The following H1-1 variants were observed in gnomAD, a reference collection of about 807,000 sequenced individuals.
The protein encoded by H1-1 is histone H1.1.
Under a neutral mutation model 0.8 loss-of-function variants are expected in H1-1, and 2 were observed. The observed-to-expected ratio is 2.64, with a 90% CI of 1.08 to 8.30. H1-1 has a LOEUF of 8.30. Among genes scored for constraint, H1-1 ranks in the 30% most tolerant of loss-of-function variants. The pLI, the probability that H1-1 is intolerant of heterozygous loss-of-function variation, is 0.04. For synonymous variants in H1-1, 211 were observed against 108.2 expected, an observed-to-expected ratio of 1.95 and a Z score of -5.89; for missense variants, 516 against 262.6, an observed-to-expected ratio of 1.97 and a Z score of -6.67.
rs772096010 is a variant in H1-1 at position 26,017,694 on chromosome 6, A to T, written c.39T>A (p.Ala13=). ...ETVPPAPAAS[A]APEKPLAGKK... ...TGCCAGCTAAAGGTTTCTCAGGAGC[A>T]GCAGAAGCGGCGGGGGCGGGAGGCA... Residue 13 remains alanine, a synonymous_variant, in exon 1 of 1, where the codon GCT becomes GCA. Coordinates refer to ENST00000244573, the MANE Select transcript of H1-1 (RefSeq NM_005325.4). 1 of 1,613,866 alleles carries T rather than the reference A, an allele frequency of 6.2e-7. No individual in the cohort carries two copies. Among genetic ancestry groups the T allele is most frequent in the South Asian group, 1.1e-5 (1 of 91,088 alleles).
Position 26,017,173 on chromosome 6 carries a change from G to A in H1-1, c.560C>T (p.Ala187Val). The change falls in exon 1 of 1, where the codon GCT becomes GTT. Residue 187 changes from alanine (A) to valine (V), a missense_variant. Physicochemically the swap from Ala to Val is moderately conservative, Grantham distance 64. Transcript: ENST00000244573. ...GGCCGCCTTGGGTTTTACAGCCTTA[G>A]CTTTAGCAGGGCTTTTAGCTACTTT... ...PKKVAKSPAKAKAVKPKAAKA... is the reference protein window; with the variant it reads ...PKKVAKSPAKVKAVKPKAAKA... The A allele has an allele frequency of 6.2e-7, 1 of 1,614,056 alleles. No individual in the cohort carries two copies. The highest frequency in any genetic ancestry group is 8.5e-7 in the Non-Finnish European group (1 of 1,180,004).
chr6:26,017,127 T>C lies in H1-1; in HGVS notation c.606A>G (p.Pro202=), dbSNP rs780171784. The C allele has an allele frequency of 6.3e-7, 1 of 1,598,050 alleles. No individual in the cohort carries two copies. The highest frequency in any genetic ancestry group is 8.5e-7 in the Non-Finnish European group (1 of 1,175,814). ...PKAAKARVTK[P]KTAKPKKAAP... ...CCGCTTTCTTGGGTTTGGCAGTCTTTGGCTTCGTCACCCTAGCCTTGGCCG... is the reference window on the plus strand; with the variant it reads ...CCGCTTTCTTGGGTTTGGCAGTCTTCGGCTTCGTCACCCTAGCCTTGGCCG... The change falls in exon 1 of 1, where the codon CCA becomes CCG. Residue 202 remains proline (P), a synonymous_variant. Transcript: ENST00000244573.
At position 26,017,200 on chromosome 6, in the gene H1-1, T is replaced by C; in HGVS notation, c.533A>G (p.Lys178Arg). Residue 178 changes from lysine (K) to arginine (R), a missense_variant, in exon 1 of 1, where the codon AAG (lysine) becomes AGG (arginine). Transcript: ENST00000244573. ...NPKKPKTVKP[K>R]KVAKSPAKAK... Reference sequence around the variant, plus strand: ...TTTAGCAGGGCTTTTAGCTACTTTCTTGGGCTTTACAGTTTTGGGTTTTTT... The same window carrying C: ...TTTAGCAGGGCTTTTAGCTACTTTCCTGGGCTTTACAGTTTTGGGTTTTTT... 1.2e-6 allele frequency: 2 copies of C among 1,614,202 alleles called. No individual in the cohort carries two copies. Among genetic ancestry groups the C allele is most frequent in the Non-Finnish European group, 1.7e-6 (2 of 1,180,028 alleles).
rs758366120 is a variant in H1-1, at chr6:26,017,300, C to T, written c.433G>A (p.Ala145Thr). ...GGAGTCTTGACGCTCTTTTTGCTAG[C>T]CCCCGTGGCCTTTTTGAGCTTTTTA... ...ASKKLKKATG[A>T]SKKSVKTPKK... Residue 145 changes from alanine to threonine, a missense_variant, in exon 1 of 1, where the codon GCT becomes ACT. By Grantham distance (58) the Ala-to-Thr change is moderately conservative. Transcript: ENST00000244573. 3.1e-6 allele frequency: 5 copies of T among 1,614,000 alleles called. No homozygotes were observed. Among genetic ancestry groups the T allele is most frequent in the Non-Finnish European group, 2.5e-6 (3 of 1,179,966 alleles).
chr6:26,017,668 T>A lies in H1-1; in HGVS notation c.65A>T (p.Lys22Met). ...SAAPEKPLAG[K>M]KAKKPAKAAA... ...AGCCTTAGCAGGTTTCTTTGCCTTC[T>A]TGCCAGCTAAAGGTTTCTCAGGAGC... is the stretch of plus-strand genomic sequence containing the variant. The change falls in exon 1 of 1, where the codon AAG (lysine) becomes ATG (methionine). Residue 22 changes from lysine (K) to methionine (M), a missense_variant. Physicochemically the swap from Lys to Met is moderately conservative, Grantham distance 95. Transcript: ENST00000244573. The A allele has an allele frequency of 6.2e-7, 1 of 1,614,080 alleles. No homozygotes were observed. The highest frequency in any genetic ancestry group is 8.5e-7 in the Non-Finnish European group (1 of 1,180,026).
At position 26,017,194 on chromosome 6, in the gene H1-1, A is replaced by C. The variant is rs1205076106; in HGVS notation, c.539T>G (p.Val180Gly). 3.1e-6 allele frequency: 5 copies of C among 1,613,672 alleles called. No homozygotes were observed. Among genetic ancestry groups the C allele is most frequent in the Non-Finnish European group, 4.2e-6 (5 of 1,179,954 alleles). Reference protein sequence around the residue: ...KKPKTVKPKKVAKSPAKAKAV... With the variant: ...KKPKTVKPKKGAKSPAKAKAV... Reference sequence around the variant, plus strand: ...CTTAGCTTTAGCAGGGCTTTTAGCTACTTTCTTGGGCTTTACAGTTTTGGG... The same window carrying C: ...CTTAGCTTTAGCAGGGCTTTTAGCTCCTTTCTTGGGCTTTACAGTTTTGGG... The change falls in exon 1 of 1, where the codon GTA becomes GGA. Residue 180 changes from valine (V) to glycine (G), a missense_variant. Coordinates refer to ENST00000244573, the MANE Select transcript of H1-1 (RefSeq NM_005325.4).
At position 26,017,676 on chromosome 6, in the gene H1-1, T is replaced by G. The variant is rs779812387; in HGVS notation, c.57A>C (p.Leu19Phe). 6.2e-7 allele frequency: 1 copy of G among 1,613,850 alleles called. No individual in the cohort carries two copies. The change falls in exon 1 of 1, where the codon TTA becomes TTC. Residue 19 changes from leucine (L) to phenylalanine (F), a missense_variant. By Grantham distance (22) the Leu-to-Phe change is conservative. Coordinates refer to ENST00000244573, the MANE Select transcript of H1-1 (RefSeq NM_005325.4). ...CAGGTTTCTTTGCCTTCTTGCCAGC[T>G]AAAGGTTTCTCAGGAGCAGCAGAAG... Reference protein sequence around the residue: ...PAASAAPEKPLAGKKAKKPAK... With the variant: ...PAASAAPEKPFAGKKAKKPAK...
chr6:26,017,763 G>C lies in H1-1; in HGVS notation c.-31C>G, dbSNP rs752049023. 3.2e-6 allele frequency: 5 copies of C among 1,582,040 alleles called. No homozygotes were observed. In the Middle Eastern group the frequency reaches 5.2e-4, roughly 164 times the overall value. ...CTAACACAGCACACCAAATAAAGTG[G>C]TATAAACCTGACGAAGCAGGATGCG... On this transcript the variant is annotated 5_prime_UTR_variant, in exon 1 of 1. Coordinates refer to ENST00000244573, the MANE Select transcript of H1-1 (RefSeq NM_005325.4).
Position 26,017,740 on chromosome 6 carries a change from A to C in H1-1, c.-8T>G, listed in dbSNP as rs752315798. ...AGGCACTGTTTCAGACATGGTGACT[A>C]ACACAGCACACCAAATAAAGTGGTA... On this transcript the variant is annotated 5_prime_UTR_variant, in exon 1 of 1. Transcript: ENST00000244573. The C allele has an allele frequency of 6.2e-7, 1 of 1,608,296 alleles. No homozygotes were observed. Among genetic ancestry groups the C allele is most frequent in the South Asian group, 1.1e-5 (1 of 90,914 alleles).
Position 26,017,533 on chromosome 6 carries a change from T to TA in H1-1, c.199_200insT (p.Lys67IlefsTer18). On this transcript the variant is annotated frameshift_variant, in exon 1 of 1. Transcript: ENST00000244573. LOFTEE classifies it low-confidence loss of function (END_TRUNC). ...GTCGTAGCCTGCGGCCGCCAGCGCC[T>TA]TTTTAAGAGCTGCCAACGACACACC... The TA allele has an allele frequency of 6.2e-7, 1 of 1,614,128 alleles. No individual in the cohort carries two copies. Among genetic ancestry groups the TA allele is most frequent in the Non-Finnish European group, 8.5e-7 (1 of 1,180,014 alleles).
rs776575449 is a variant in H1-1, at chr6:26,017,524, G to A, written c.209C>T (p.Ala70Val). The change falls in exon 1 of 1, where the codon GCG becomes GTG. Residue 70 changes from alanine to valine, a missense_variant. Coordinates refer to ENST00000244573, the MANE Select transcript of H1-1 (RefSeq NM_005325.4). Reference protein sequence around the residue: ...VSLAALKKALAAAGYDVEKNN... With the variant: ...VSLAALKKALVAAGYDVEKNN... ...CTTCTCCACGTCGTAGCCTGCGGCCGCCAGCGCCTTTTTAAGAGCTGCCAA... is the reference window on the plus strand; with the variant it reads ...CTTCTCCACGTCGTAGCCTGCGGCCACCAGCGCCTTTTTAAGAGCTGCCAA... 16 of 1,614,042 alleles carry A rather than the reference G, an allele frequency of 9.9e-6. No individual in the cohort carries two copies. Among genetic ancestry groups the A allele is most frequent in the Non-Finnish European group, 1.2e-5 (14 of 1,180,008 alleles).
At position 26,017,767 on chromosome 6, in the gene H1-1, A is replaced by G. The variant is rs758117661; in HGVS notation, c.-35T>C. ...CACAGCACACCAAATAAAGTGGTAT[A>G]AACCTGACGAAGCAGGATGCGAAAA... is the stretch of plus-strand genomic sequence containing the variant. On this transcript the variant is annotated 5_prime_UTR_variant, in exon 1 of 1. Coordinates refer to ENST00000244573, the MANE Select transcript of H1-1 (RefSeq NM_005325.4). The G allele has an allele frequency of 5.7e-6, 9 of 1,574,748 alleles. No homozygotes were observed. The highest frequency in any genetic ancestry group is 6.9e-6 in the Non-Finnish European group (8 of 1,157,646).
At position 26,017,634 on chromosome 6, in the gene H1-1, G is replaced by A. The variant is rs1297187014; in HGVS notation, c.99C>T (p.Ala33=). The part of the protein sequence containing the change: ...KAKKPAKAAA[A]SKKKPAGPSV... ...AAGGGCCAGCGGGTTTTTTCTTGGA[G>A]GCTGCTGCAGCCTTAGCAGGTTTCT... The change falls in exon 1 of 1, where the codon GCC becomes GCT. Residue 33 remains alanine (A), a synonymous_variant. Transcript: ENST00000244573. 1.9e-6 allele frequency: 3 copies of A among 1,614,174 alleles called. No homozygotes were observed. The highest frequency in any genetic ancestry group is 2.5e-6 in the Non-Finnish European group (3 of 1,180,024).
Position 26,017,401 on chromosome 6 carries a change from T to C in H1-1, c.332A>G (p.Asn111Ser), listed in dbSNP as rs774271253. ...GTGASGSFKL[N>S]KKASSVETKP... ...GGTTTCCACGGAGGACGCCTTCTTG[T>C]TGAGCTTGAAGGAACCCGAGGCTCC... The change falls in exon 1 of 1, where the codon AAC (asparagine) becomes AGC (serine). Residue 111 changes from asparagine to serine, a missense_variant. Transcript: ENST00000244573. The C allele has an allele frequency of 1.2e-6, 2 of 1,614,128 alleles. No individual in the cohort carries two copies. The highest frequency in any genetic ancestry group is 1.1e-5 in the South Asian group (1 of 91,078).
In H1-1 at chr6:26,017,107, T is replaced by TA; in HGVS notation, c.625_626insT (p.Lys209IlefsTer16). ...AATTTACTTTTTCTTGGGTGCCGCTTTCTTGGGTTTGGCAGTCTTTGGCTT... is the reference window on the plus strand; with the variant it reads ...AATTTACTTTTTCTTGGGTGCCGCTTATCTTGGGTTTGGCAGTCTTTGGCTT... On this transcript the variant is annotated frameshift_variant, in exon 1 of 1. Transcript: ENST00000244573. LOFTEE classifies it high-confidence loss of function. 1 of 1,580,418 alleles carries TA rather than the reference T, an allele frequency of 6.3e-7. No homozygotes were observed. The highest frequency in any genetic ancestry group is 8.5e-7 in the Non-Finnish European group (1 of 1,170,338).
Position 26,017,269 on chromosome 6 carries a change from T to C in H1-1, c.464A>G (p.Lys155Arg). Residue 155 changes from lysine (K) to arginine (R), a missense_variant, in exon 1 of 1, where the codon AAG becomes AGG. Physicochemically the swap from Lys to Arg is conservative, Grantham distance 26. Transcript: ENST00000244573. ...ASKKSVKTPK[K>R]AKKPAATRKS... ...CCTTGTTGCCGCAGGCTTTTTAGCCTTTTTCGGAGTCTTGACGCTCTTTTT... is the reference window on the plus strand; with the variant it reads ...CCTTGTTGCCGCAGGCTTTTTAGCCCTTTTCGGAGTCTTGACGCTCTTTTT... 3 of 1,614,100 alleles carry C rather than the reference T, an allele frequency of 1.9e-6. No homozygotes were observed. Among genetic ancestry groups the C allele is most frequent in the Non-Finnish European group, 2.5e-6 (3 of 1,180,012 alleles).
rs374294189 is a variant in H1-1 at position 26,017,118 on chromosome 6, G to A, written c.615C>T (p.Ala205=). Residue 205 remains alanine, a synonymous_variant, in exon 1 of 1, where the codon GCC becomes GCT. Transcript: ENST00000244573. ...AKARVTKPKT[A]KPKKAAPKKK Reference sequence around the variant, plus strand: ...TCTTGGGTGCCGCTTTCTTGGGTTTGGCAGTCTTTGGCTTCGTCACCCTAG... The same window carrying A: ...TCTTGGGTGCCGCTTTCTTGGGTTTAGCAGTCTTTGGCTTCGTCACCCTAG... 2.6e-5 allele frequency: 42 copies of A among 1,591,242 alleles called. No homozygotes were observed. In the Admixed American group the frequency reaches 4.3e-4, roughly 16 times the overall value.
rs745508957 is a variant in H1-1 at position 26,017,641 on chromosome 6, G to A, written c.92C>T (p.Ala31Val). The part of the protein sequence containing the change: ...GKKAKKPAKA[A>V]AASKKKPAGP... The stretch of plus-strand genomic sequence containing the variant: ...AGCGGGTTTTTTCTTGGAGGCTGCT[G>A]CAGCCTTAGCAGGTTTCTTTGCCTT... The change falls in exon 1 of 1, where the codon GCA (alanine) becomes GTA (valine). Residue 31 changes from alanine to valine, a missense_variant. Coordinates refer to ENST00000244573, the MANE Select transcript of H1-1 (RefSeq NM_005325.4). 5 of 1,614,048 alleles carry A rather than the reference G, an allele frequency of 3.1e-6. No individual in the cohort carries two copies. The highest frequency in any genetic ancestry group is 2.2e-5 in the South Asian group (2 of 91,088).
rs577194237 is a variant in H1-1, at chr6:26,017,787, C to A, written c.-55G>T. ...GGTATAAACCTGACGAAGCAGGATG[C>A]GAAAAAAAGGCCCCAACGCAGCCTA... On this transcript the variant is annotated 5_prime_UTR_variant, in exon 1 of 1. Coordinates refer to ENST00000244573, the MANE Select transcript of H1-1 (RefSeq NM_005325.4). 30 of 1,511,876 alleles carry A rather than the reference C, an allele frequency of 2.0e-5. No homozygotes were observed. Among genetic ancestry groups the A allele is most frequent in the African/African-American group, 9.8e-5 (7 of 71,668 alleles). The allele number at this position is 1,511,876 out of a possible 1,614,324, so 93.7% of individuals were successfully genotyped here.
Sources: gnomAD v4.1 joint callset for allele counts on GRCh38, gnomAD v4.1.1 for gene constraint, MANE v1.5 for transcripts, NCBI Gene and HGNC (gene_info 2026-07-23, HGNC 2026-07-21) for gene names.